The following NKAIN3 variants were observed in gnomAD, a reference collection of about 807,000 sequenced individuals.
NKAIN3 encodes sodium/potassium transporting ATPase interacting 3.
In NKAIN3, 25 loss-of-function variants were observed where a neutral mutation model predicts 30.2. That is an observed-to-expected ratio of 0.83 (90% CI 0.60 to 1.16). The LOEUF is 1.16. NKAIN3 is among the 50% of genes most tolerant of loss of function. The pLI is 0.00. For missense variants in NKAIN3, 225 were observed against 254.1 expected (o/e 0.89, Z 0.78); for synonymous variants, 91 against 89.6 (o/e 1.02, Z -0.09).
rs571481042 is a variant in NKAIN3, at chr8:62,350,380, G to A, written c.54+101253G>A. On this transcript the variant is annotated intron_variant, in intron 1 of 6. Coordinates refer to ENST00000623646, the MANE Select transcript of NKAIN3 (RefSeq NM_001304533.3). ...TAAGCCAGACACAAAAAGTCAAACA[G>A]CATATGATTCGAGTTATATGAGGTA... is the stretch of plus-strand genomic sequence containing the variant. Among the ~76,000 whole-genome samples, 3 of 152,230 alleles carry A rather than the reference G, an allele frequency of 2.0e-5. No individual in the cohort carries two copies. The East Asian group carries it at 5.8e-4, about 29-fold the overall frequency.
intron 1 of NKAIN3, among the ~76,000 whole-genome samples, chr8:62,500,688 G>C (rs1337694650): frequency 6.6e-6 from 1 of 152,112 alleles, no homozygotes; most frequent in Admixed American, 6.6e-5. Context: ...CTTTGTGGAG[G>C]GCAATGGGTT....
intron 1 of NKAIN3, among the ~76,000 whole-genome samples, chr8:62,257,367 T>C (rs1812296461): frequency 6.6e-6 from 1 of 152,226 alleles, no homozygotes; most frequent in Non-Finnish European, 1.5e-5. Context: ...TTTCACCTTT[T>C]GTTTTATTAA....
chr8:62,556,302 G>A (rs932192661), intron 1 of NKAIN3, among the ~76,000 whole-genome samples: 1 of 151,746 alleles, frequency 6.6e-6, no homozygotes, highest in Non-Finnish European at 1.5e-5. Flanking sequence ...ATATATGTAT[G>A]CTACCTTTTG....
chr8:62,290,765 G>C (rs55790268), intron 1 of NKAIN3, among the ~76,000 whole-genome samples: 1 of 152,134 alleles, frequency 6.6e-6, no homozygotes, highest in African/African-American at 2.4e-5. Flanking sequence ...AAATGAATTA[G>C]GGATGATTCT....
rs190587441 is a variant in NKAIN3, at chr8:62,667,630, G to A, written c.273+77836G>A. 1.4e-3 allele frequency among the ~76,000 whole-genome samples: 212 copies of A among 151,948 alleles called. 3 individuals carry two copies. The highest frequency in any genetic ancestry group is 0.014 in the Admixed American group (207 of 15,232). ...AAGCCATCCTCATTACTCATCTGTT[G>A]CATTAGCCTCCAGCTTCCATGCTCG... On this transcript the variant is annotated intron_variant, in intron 3 of 6. Transcript: ENST00000623646.
intron 3 of NKAIN3, among the ~76,000 whole-genome samples, chr8:62,612,988 G>A (rs1811340479): frequency 6.6e-6 from 1 of 151,930 alleles, no homozygotes; most frequent in Non-Finnish European, 1.5e-5. Flanking sequence ...TTGAAAAGTT[G>A]TTGTGGTTAT....
intron 4 of NKAIN3, among the ~76,000 whole-genome samples, chr8:62,853,486 A>G (rs1472970916): frequency 6.6e-6 from 1 of 152,070 alleles, no homozygotes; most frequent in Non-Finnish European, 1.5e-5. Flanking sequence ...TTTCTAACTT[A>G]TGTGTACAAA....
In NKAIN3 at chr8:62,960,735, G is replaced by GCACACACACACA. The variant is rs113227908; in HGVS notation, c.604-4608_604-4597dup. Among the ~76,000 whole-genome samples the GCACACACACACA allele has an allele frequency of 7.0e-3, 1,044 of 148,524 alleles. 8 individuals carry two copies. The highest frequency in any genetic ancestry group is 0.022 in the Admixed American group (334 of 14,928). On this transcript the variant is annotated intron_variant, in intron 6 of 6. Coordinates refer to ENST00000623646, the MANE Select transcript of NKAIN3 (RefSeq NM_001304533.3). ...AGATTACACAATACGCAGGAAAAAA[G>GCACACACACACA]CACACACACACACACACACACAAGT...
At chr8:62,598,227 C>T (rs562842954) in intron 3 of NKAIN3, among the ~76,000 whole-genome samples, 1 of 152,054 alleles carries the variant, frequency 6.6e-6, no homozygotes, top group South Asian at 2.1e-4. Flanking sequence ...AGAGGGGAAC[C>T]GAAAGTGGAT....
At chr8:62,747,559 A>T (rs944995960) in intron 4 of NKAIN3, among the ~76,000 whole-genome samples, 1 of 152,204 alleles carries the variant, frequency 6.6e-6, no homozygotes, top group Non-Finnish European at 1.5e-5. Flanking sequence ...TTCCTTAAAA[A>T]ACAAATCCCA....
chr8:62,653,869 C>T (rs1186574902), intron 3 of NKAIN3, among the ~76,000 whole-genome samples: 1 of 152,118 alleles, frequency 6.6e-6, no homozygotes, highest in Non-Finnish European at 1.5e-5. Context: ...GTTAGGACTA[C>T]ATATAGTCAC....
intron 1 of NKAIN3, among the ~76,000 whole-genome samples, chr8:62,398,932 A>C (rs1329972917): frequency 6.6e-6 from 1 of 152,188 alleles, no homozygotes; most frequent in Non-Finnish European, 1.5e-5. Flanking sequence ...TCTACTAAAA[A>C]TACAAAAAAT....
intron 4 of NKAIN3, among the ~76,000 whole-genome samples, chr8:62,908,594 A>C (rs1257219274): frequency 2.6e-5 from 4 of 152,096 alleles, no homozygotes; most frequent in African/African-American, 9.7e-5. Context: ...TTCTCATGAT[A>C]GTGAATAAGT....
chr8:62,345,458 T>C (rs1193172795), intron 1 of NKAIN3, among the ~76,000 whole-genome samples: 10 of 25,050 alleles, frequency 4.0e-4, no homozygotes, highest in Admixed American at 2.9e-3. Flanking sequence ...CACATATGTA[T>C]ATATACACAT....
intron 3 of NKAIN3, among the ~76,000 whole-genome samples, chr8:62,717,221 C>T (rs1814935235): frequency 6.6e-6 from 1 of 152,142 alleles, no homozygotes; most frequent in African/African-American, 2.4e-5. Context: ...TGAGTAGTCA[C>T]AGTTATTTAT....
chr8:62,510,160 A>T (rs1248733757), intron 1 of NKAIN3, among the ~76,000 whole-genome samples: 2 of 152,130 alleles, frequency 1.3e-5, no homozygotes, highest in South Asian at 2.1e-4. Context: ...TGAATAAGAG[A>T]AAAGTGAAGA....
In NKAIN3 at chr8:62,870,257, T is replaced by TATATAGATATCTATAGATATCTATATAA. The variant is rs1563603976; in HGVS notation, c.472-48192_472-48191insAGATATCTATAGATATCTATATAAATAT. ...ATAGATATCTATAGATATCTATATA[T>TATATAGATATCTATAGATATCTATATAA]ATATCTATATATAGATATATATAAA... is the stretch of plus-strand genomic sequence containing the variant. On this transcript the variant is annotated intron_variant, in intron 4 of 6. Transcript: ENST00000623646. Among the ~76,000 whole-genome samples the TATATAGATATCTATAGATATCTATATAA allele has an allele frequency of 1.2e-3, 99 of 85,012 alleles. 4 individuals carry two copies. The highest frequency in any genetic ancestry group is 7.9e-3 in the Middle Eastern group (1 of 126). 55.8% of individuals were successfully genotyped at this position (85,012 alleles called of 152,430 possible).
At chr8:62,737,635 A>G (rs1268689523) in intron 3 of NKAIN3, among the ~76,000 whole-genome samples, 2 of 152,172 alleles carry the variant, frequency 1.3e-5, no homozygotes, top group African/African-American at 2.4e-5. Flanking sequence ...AAAATTTCCA[A>G]TAAAAGCCCT....
chr8:62,921,625 T>G (rs1488952384), intron 5 of NKAIN3, among the ~76,000 whole-genome samples: 1 of 152,110 alleles, frequency 6.6e-6, no homozygotes, highest in Non-Finnish European at 1.5e-5. Flanking sequence ...GAGTGCTAGG[T>G]GGGGTCAGAG....
Sources: gnomAD v4.1 joint callset for allele counts (sites outside exome capture counted in the v4.1 genomes callset) on GRCh38, gnomAD v4.1.1 for gene constraint, MANE v1.5 for transcripts, NCBI Gene and HGNC (gene_info 2026-07-23, HGNC 2026-07-21) for gene names.